Variants in WWP2 observed in about 807,000 individuals in gnomAD.
WWP2 encodes the protein NEDD4-like E3 ubiquitin-protein ligase WWP2.
WWP2 carries 57 observed loss-of-function variants against 121.0 expected under a neutral mutation model. The ratio of observed to expected loss-of-function variants is 0.47; its 90% CI spans 0.38 to 0.59. The LOEUF is 0.59. WWP2 is among the 20% of genes least tolerant of loss of function. The pLI, the probability that WWP2 is intolerant of heterozygous loss-of-function variation, is 0.00. For missense variants in WWP2, 962 were observed against 1,158.9 expected, an observed-to-expected ratio of 0.83 and a Z score of 2.47; for synonymous variants, 449 against 441.3, an observed-to-expected ratio of 1.02 and a Z score of -0.22.
chr16:69,777,059 G>A (rs995435793), intron 1 of WWP2, among the ~76,000 whole-genome samples: 2 of 150,042 alleles, frequency 1.3e-5, no homozygotes, highest in African/African-American at 2.5e-5. Flanking sequence ...GTATATATAT[G>A]TATGTATATT....
chr16:69,927,040 G>A (rs1013005162), intron 11 of WWP2, among the ~76,000 whole-genome samples: 4 of 152,186 alleles, frequency 2.6e-5, no homozygotes, highest in African/African-American at 9.7e-5. Context: ...CGAATGCTAA[G>A]TGTGGAAATA....
intron 1 of WWP2, among the ~76,000 whole-genome samples, chr16:69,784,152 T>G (rs2055732216): frequency 7.5e-6 from 1 of 132,672 alleles, no homozygotes; most frequent in Admixed American, 9.2e-5. Flanking sequence ...CGGGCTGGAG[T>G]GCAGTGGCAT....
chr16:69,789,105 T>A (rs2055853986), intron 2 of WWP2, among the ~76,000 whole-genome samples: 1 of 152,218 alleles, frequency 6.6e-6, no homozygotes, highest in African/African-American at 2.4e-5. Context: ...TCGCCCAGGC[T>A]GGACTGCAGT....
rs561325459 is a variant in WWP2, at chr16:69,882,073, G to A, written c.704-5966G>A. Among the ~76,000 whole-genome samples, 417 of 152,008 alleles carry A rather than the reference G, an allele frequency of 2.7e-3. 1 individual carries two copies. Among genetic ancestry groups the A allele is most frequent in the Non-Finnish European group, 4.3e-3 (291 of 68,000 alleles). Reference sequence around the variant, plus strand: ...GGCTTCAAATGATCCACCTGCTTTGGCCTCCGAAAGTACTGGGATTACAGG... The same window carrying A: ...GGCTTCAAATGATCCACCTGCTTTGACCTCCGAAAGTACTGGGATTACAGG... On this transcript the variant is annotated intron_variant, in intron 7 of 23. Transcript: ENST00000359154.
chr16:69,899,760 T>A (rs960156899), intron 8 of WWP2, among the ~76,000 whole-genome samples: 35 of 147,318 alleles, frequency 2.4e-4, no homozygotes, highest in Non-Finnish European at 4.3e-4. Context: ...AATCAAGTTG[T>A]GGTTTATAGG....
At chr16:69,811,342 C>G (rs1333350269) in intron 4 of WWP2, among the ~76,000 whole-genome samples, 2 of 152,042 alleles carry the variant, frequency 1.3e-5, no homozygotes, top group East Asian at 3.9e-4. Context: ...TGTGGTGGCT[C>G]ACACCTGTAA....
chr16:69,782,407 C>T (rs2055683045), intron 1 of WWP2, among the ~76,000 whole-genome samples: 1 of 152,060 alleles, frequency 6.6e-6, no homozygotes, highest in African/African-American at 2.4e-5. Flanking sequence ...CAAGAAGGCT[C>T]AGGTGGGGCA....
chr16:69,794,098 A>G (rs1051760317), intron 2 of WWP2, among the ~76,000 whole-genome samples: 5 of 151,950 alleles, frequency 3.3e-5, no homozygotes, highest in African/African-American at 1.2e-4. Context: ...TTGTACTTGT[A>G]GTAGAGACGG....
intron 7 of WWP2, among the ~76,000 whole-genome samples, chr16:69,875,763 G>A (rs560146457): frequency 2.6e-4 from 39 of 152,066 alleles, no homozygotes; most frequent in African/African-American, 9.4e-4. Context: ...TCTTATTCTA[G>A]CTCTCTTGCT....
chr16:69,815,010 A>AT lies in WWP2; in HGVS notation c.340+15722dup, dbSNP rs141687881. Among the ~76,000 whole-genome samples, 185 of 151,922 alleles carry AT rather than the reference A, an allele frequency of 1.2e-3. 4 individuals are homozygous for AT. The East Asian group carries it at 0.029, about 24-fold the overall frequency. ...TAAAAATATTTATTTATTTATTTTT[A>AT]TTTTTTTGAGATGGAGTCTCACTCC... On this transcript the variant is annotated intron_variant, in intron 4 of 23. Transcript: ENST00000359154.
rs1279302871 is a variant in WWP2 at position 69,925,467 on chromosome 16, C to T, written c.1217C>T (p.Pro406Leu). 3 of 1,613,918 alleles carry T rather than the reference C, an allele frequency of 1.9e-6. No homozygotes were observed. In the Admixed American group the frequency reaches 5.0e-5, roughly 27 times the overall value. Residue 406 changes from proline to leucine, a missense_variant, in exon 11 of 24, where the codon CCC (proline) becomes CTC (leucine). Transcript: ENST00000359154. The surrounding 1 kb of genome is among the most constrained non-coding windows in gnomAD (Gnocchi z 4.0). ...TCGACTGACCATGATCCCCTGGGCCCCCTCCCTCCTGGCTGGGGTAAGTAC... is the reference window on the plus strand; with the variant it reads ...TCGACTGACCATGATCCCCTGGGCCTCCTCCCTCCTGGCTGGGGTAAGTAC... ...SASTDHDPLG[P>L]LPPGWEKRQD... is the part of the protein sequence containing the mutation.
At chr16:69,912,918 CAAAACAAAAAAA>C (rs2058404895) in intron 9 of WWP2, among the ~76,000 whole-genome samples, 3 of 31,808 alleles carry the variant, frequency 9.4e-5, no homozygotes, top group Non-Finnish European at 1.1e-4. Context: ...CCAGTCTCTA[CAAAACAAAAAAA>C]AAAAAAAAAA....
chr16:69,897,215 G>A lies in WWP2; in HGVS notation c.914+8966G>A, dbSNP rs371908110. On this transcript the variant is annotated intron_variant, in intron 8 of 23. Coordinates refer to ENST00000359154, the MANE Select transcript of WWP2 (RefSeq NM_001270454.2). ...CCTCCCAGGCTCAGGTGATCCTCTC[G>A]CTTCAGCCTCTCGAGTACCTGAGAC... Among the ~76,000 whole-genome samples the A allele has an allele frequency of 1.1e-4, 17 of 152,020 alleles. 2 individuals are homozygous for A. The highest frequency in any genetic ancestry group is 3.9e-4 in the East Asian group (2 of 5,162).
chr16:69,890,845 C>T (rs1278675304), intron 8 of WWP2: 17 of 152,322 alleles, frequency 1.1e-4, no homozygotes, highest in African/African-American at 3.1e-4. Flanking sequence ...GATTCCCCTC[C>T]CTCATCCTGC....
At chr16:69,899,815 G>A (rs971265246) in intron 8 of WWP2, among the ~76,000 whole-genome samples, 4 of 149,786 alleles carry the variant, frequency 2.7e-5, no homozygotes, top group African/African-American at 4.9e-5. Context: ...TTTTCTTAGT[G>A]TTATGTTTAA....
intron 4 of WWP2, among the ~76,000 whole-genome samples, chr16:69,800,791 C>T (rs2056146968): frequency 6.6e-6 from 1 of 151,424 alleles, no homozygotes. Context: ...TCTTGAACTC[C>T]TGACCTCAGG....
At chr16:69,797,848 A>T (rs1166837008) in intron 2 of WWP2, among the ~76,000 whole-genome samples, 1 of 152,022 alleles carries the variant, frequency 6.6e-6, no homozygotes, top group Non-Finnish European at 1.5e-5. Flanking sequence ...AGATTGTGGC[A>T]TTACACTCCA....
At chr16:69,897,935 C>CAAAAA (rs1026790009) in intron 8 of WWP2, among the ~76,000 whole-genome samples, 1 of 149,148 alleles carries the variant, frequency 6.7e-6, no homozygotes, top group East Asian at 1.9e-4. Flanking sequence ...CAAAACAAAA[C>CAAAAA]AAAAAAAACA....
intron 1 of WWP2, among the ~76,000 whole-genome samples, chr16:69,782,763 AC>A (rs555042211): frequency 4.0e-4 from 61 of 152,342 alleles, no homozygotes; most frequent in Admixed American, 7.2e-4. Context: ...TTGGAGCGTG[AC>A]ATTGTTTGAC....
Sources: allele counts gnomAD v4.1 joint callset (sites outside exome capture counted in the v4.1 genomes callset), GRCh38; gene constraint gnomAD v4.1.1; non-coding constraint Gnocchi (gnomAD v3.1); transcripts MANE v1.5; gene names NCBI Gene and HGNC (gene_info 2026-07-23, HGNC 2026-07-21).